ZNF430: variants seen among roughly 807,000 people sequenced by gnomAD.
ZNF430 encodes the protein zinc finger protein 430.
Under a neutral mutation model 56.7 loss-of-function variants are expected in ZNF430, and 35 were observed. The observed-to-expected ratio is 0.62, with a 90% CI of 0.47 to 0.82. The LOEUF (loss-of-function observed/expected upper bound fraction) is 0.82, where lower values mean the gene tolerates loss of function less well. ZNF430 is among the 40% of genes least tolerant of loss of function. ZNF430 has a pLI of 0.00. For synonymous variants in ZNF430, 212 were observed against 224.3 expected (o/e 0.94, Z 0.49); for missense variants, 574 against 661.0 (o/e 0.87, Z 1.44).
At position 21,057,226 on chromosome 19, in the gene ZNF430, A is replaced by G. The variant is rs1287665420; in HGVS notation, c.918A>G (p.Thr306=). Residue 306 remains threonine, a synonymous_variant, in exon 5 of 5, where the codon ACA becomes ACG. Transcript: ENST00000261560. ...KTFNRSSHLT[T]HKRIHTGEKP... ...TTAACCGGTCCTCACACCTTACTAC[A>G]CATAAAAGAATTCATACTGGAGAGA... 1 of 1,613,604 alleles carries G rather than the reference A, an allele frequency of 6.2e-7. No individual in the cohort carries two copies. Among genetic ancestry groups the G allele is most frequent in the Non-Finnish European group, 8.5e-7 (1 of 1,179,942 alleles).
At chr19:21,022,748 T>TA in intron 1 of ZNF430, 41 bp from the exon 2 acceptor site, 2 of 1,308,806 alleles carry the variant, frequency 1.5e-6, no homozygotes, top group Non-Finnish European at 2.2e-6. Flanking sequence ...TCAGTTAGAG[T>TA]GTCTAGTGGA....
chr19:21,022,672 A>G (rs1568581894), intron 1 of ZNF430, 117 bp from the exon 2 acceptor site: 7 of 784,472 alleles, frequency 8.9e-6, no homozygotes, highest in Non-Finnish European at 8.9e-6. Flanking sequence ...GTCACCCTTC[A>G]GTTTTTTTCT....
intron 3 of ZNF430, chr19:21,033,795 C>A: frequency 1.7e-6 from 1 of 580,646 alleles, no homozygotes; most frequent in South Asian, 2.9e-5. Context: ...TGATCTGTAT[C>A]CTTCACTCTA....
chr19:21,054,706 C>G (rs1168244978), intron 4 of ZNF430, among the ~76,000 whole-genome samples: 2 of 118,508 alleles, frequency 1.7e-5, no homozygotes, highest in Non-Finnish European at 3.1e-5. Context: ...GACGGAGTCT[C>G]GCTCTGTCGC....
At chr19:21,047,870 G>C (rs1004674120) in intron 4 of ZNF430, among the ~76,000 whole-genome samples, 4 of 152,206 alleles carry the variant, frequency 2.6e-5, no homozygotes, top group African/African-American at 9.6e-5. Flanking sequence ...CCTTGGTGGA[G>C]TGGCTGTGCT....
intron 4 of ZNF430, among the ~76,000 whole-genome samples, chr19:21,052,339 T>C (rs2144787370): frequency 6.6e-6 from 1 of 152,318 alleles, no homozygotes; most frequent in East Asian, 1.9e-4. Context: ...ATAGTTGTTT[T>C]ATACTGCCTT....
chr19:21,026,345 C>T (rs368823791), intron 2 of ZNF430, among the ~76,000 whole-genome samples: 2 of 152,016 alleles, frequency 1.3e-5, no homozygotes, highest in East Asian at 3.9e-4. Flanking sequence ...CACGCCACCA[C>T]GCCTGGCCAG....
rs577712895 is a variant in ZNF430, at chr19:21,040,019, G to T, written c.322+5835G>T. ...GCCTCGCTAATTTTTTGATTTTTTT[G>T]TAGTGACAGAGTCTCACTATATTAT... is the stretch of plus-strand genomic sequence containing the variant. On this transcript the variant is annotated intron_variant, in intron 4 of 4. Coordinates refer to ENST00000261560, the MANE Select transcript of ZNF430 (RefSeq NM_025189.4). 7.9e-5 allele frequency among the ~76,000 whole-genome samples: 12 copies of T among 151,936 alleles called. 1 individual carries two copies. In the South Asian group the frequency reaches 2.5e-3, roughly 32 times the overall value.
chr19:21,048,341 G>A (rs373516625), intron 4 of ZNF430, among the ~76,000 whole-genome samples: 18,384 of 150,334 alleles, frequency 0.12, 1,402 homozygotes, highest in Non-Finnish European at 0.17. Context: ...GCCTTCCGCA[G>A]TGTTTGTGTC....
intron 4 of ZNF430, among the ~76,000 whole-genome samples, chr19:21,044,460 G>A (rs781719278): frequency 6.6e-6 from 1 of 152,162 alleles, no homozygotes; most frequent in Middle Eastern, 3.4e-3. Flanking sequence ...TAAGCTTTTC[G>A]ATGTGCTGCT....
At chr19:21,051,922 G>T (rs532769382) in intron 4 of ZNF430, among the ~76,000 whole-genome samples, 2 of 151,638 alleles carry the variant, frequency 1.3e-5, no homozygotes, top group African/African-American at 2.4e-5. Flanking sequence ...GTACTTTATT[G>T]TCTTTTGAGA....
intron 4 of ZNF430, among the ~76,000 whole-genome samples, chr19:21,039,400 G>GT (rs71174788): frequency 0.57 from 79,830 of 139,920 alleles, 23,874 homozygotes; most frequent in East Asian, 0.74. Flanking sequence ...CGGCCCATGT[G>GT]TTTTTTTTTT....
intron 4 of ZNF430, among the ~76,000 whole-genome samples, chr19:21,041,854 C>T (rs569914658): frequency 1.3e-5 from 2 of 152,168 alleles, no homozygotes; most frequent in African/African-American, 2.4e-5. Context: ...GCTGGGATTA[C>T]AGGCATGCAC....
rs186935675 is a variant in ZNF430 at position 21,042,663 on chromosome 19, C to T, written c.322+8479C>T. 1.1e-4 allele frequency among the ~76,000 whole-genome samples: 16 copies of T among 152,146 alleles called. No individual in the cohort carries two copies. In the East Asian group the frequency reaches 2.9e-3, roughly 28 times the overall value. ...ATTAGCTGGGCGTGGTGGCGGACGC[C>T]TGTGGTCCCCGCTACTTGGGAGGCT... is the stretch of plus-strand genomic sequence containing the variant. On this transcript the variant is annotated intron_variant, in intron 4 of 4. Transcript: ENST00000261560.
intron 4 of ZNF430, among the ~76,000 whole-genome samples, chr19:21,038,031 T>G (rs1968034243): frequency 6.6e-6 from 1 of 152,202 alleles, no homozygotes; most frequent in Non-Finnish European, 1.5e-5. Context: ...GTTAAATGTT[T>G]TGTTTTAATG....
At position 21,033,512 on chromosome 19, in the gene ZNF430, C is replaced by T; in HGVS notation, c.153C>T (p.Cys51=). 1 of 1,611,888 alleles carries T rather than the reference C, an allele frequency of 6.2e-7. No homozygotes were observed. The highest frequency in any genetic ancestry group is 8.5e-7 in the Non-Finnish European group (1 of 1,179,022). ...AIEFSLEEWQ[C]LDTAQQDLYR... ...AATTTTCTCTGGAGGAGTGGCAATG[C>T]CTGGACACTGCTCAGCAGGATTTGT... Residue 51 remains cysteine, a synonymous_variant, in exon 3 of 5, where the codon TGC becomes TGT. Coordinates refer to ENST00000261560, the MANE Select transcript of ZNF430 (RefSeq NM_025189.4).
chr19:21,034,078 C>G lies in ZNF430; in HGVS notation c.224-8C>G. The G allele has an allele frequency of 6.2e-7, 1 of 1,602,384 alleles. No homozygotes were observed. The highest frequency in any genetic ancestry group is 1.1e-5 in the South Asian group (1 of 90,800). On this transcript the variant is annotated splice_region_variant and splice_polypyrimidine_tract_variant and intron_variant, in intron 3 of 4. Coordinates refer to ENST00000261560, the MANE Select transcript of ZNF430 (RefSeq NM_025189.4). ...GAGAAAGATTCATGTTATTTATTTTCAATAAAGCAGGTATTGCTGTTTCTA... is the reference window on the plus strand; with the variant it reads ...GAGAAAGATTCATGTTATTTATTTTGAATAAAGCAGGTATTGCTGTTTCTA...
intron 2 of ZNF430, among the ~76,000 whole-genome samples, chr19:21,023,849 GACTA>G (rs1015766734): frequency 1.6e-4 from 25 of 152,154 alleles, no homozygotes; most frequent in Middle Eastern, 3.4e-3. Context: ...TTTCCCATAT[GACTA>G]ACTGTTTACT....
At chr19:21,054,518 G>A (rs1968336297) in intron 4 of ZNF430, among the ~76,000 whole-genome samples, 1 of 151,962 alleles carries the variant, frequency 6.6e-6, no homozygotes, top group Non-Finnish European at 1.5e-5. Flanking sequence ...TGTGTCATAA[G>A]ACTATGCTTG....
Sources: allele counts gnomAD v4.1 joint callset (sites outside exome capture counted in the v4.1 genomes callset), GRCh38; gene constraint gnomAD v4.1.1; transcripts MANE v1.5; gene names NCBI Gene and HGNC (gene_info 2026-07-23, HGNC 2026-07-21).